TRAF3IP1: variants seen among roughly 807,000 people sequenced by gnomAD.
The protein encoded by TRAF3IP1 is TRAF3-interacting protein 1.
In TRAF3IP1, 53 loss-of-function variants were observed where a neutral mutation model predicts 89.9. The ratio of observed to expected loss-of-function variants is 0.59; its 90% CI spans 0.47 to 0.74. TRAF3IP1 has a LOEUF of 0.74. Among genes scored for constraint, TRAF3IP1 ranks in the 30% least tolerant of loss-of-function variants. The pLI, the probability that TRAF3IP1 is intolerant of heterozygous loss-of-function variation, is 0.00. For synonymous variants in TRAF3IP1, 311 were observed against 322.1 expected (o/e 0.97, Z 0.37); for missense variants, 806 against 866.1 (o/e 0.93, Z 0.87).
intron 15 of TRAF3IP1, among the ~76,000 whole-genome samples, chr2:238,368,916 AC>A (rs1699994660): frequency 6.6e-6 from 1 of 151,948 alleles, no homozygotes; most frequent in African/African-American, 2.4e-5. Flanking sequence ...CAGGCGATCC[AC>A]CCGCCTCGGC....
chr2:238,353,608 G>T (rs573653330), intron 14 of TRAF3IP1, among the ~76,000 whole-genome samples: 127 of 152,304 alleles, frequency 8.3e-4, no homozygotes, highest in African/African-American at 3.0e-3. Flanking sequence ...CCCCACACCA[G>T]GGTTTGAGTA....
rs61756349 is a variant in TRAF3IP1, at chr2:238,344,536, A to C, written c.1199A>C (p.Asp400Ala). The change falls in exon 9 of 17, where the codon GAT becomes GCT. Residue 400 changes from aspartate to alanine, a missense_variant. Around this residue, in one of 3 missense-constraint regions of TRAF3IP1, gnomAD observed 732 missense variants for 780.5 expected, o/e 0.94. Transcript: ENST00000373327. ...AATATTAACTCAACTAGTATTTCAG[A>C]TGATAATTCAGCTAGTCTGCGGTGT... ...EANINSTSIS[D>A]DNSASLRCEN... 5,619 of 1,614,176 alleles carry C rather than the reference A, an allele frequency of 3.5e-3. 17 individuals carry two copies. The highest frequency in any genetic ancestry group is 4.2e-3 in the Non-Finnish European group (4,930 of 1,180,006).
chr2:238,394,652 G>A (rs949969046), intron 15 of TRAF3IP1, among the ~76,000 whole-genome samples: 1 of 152,200 alleles, frequency 6.6e-6, no homozygotes, highest in African/African-American at 2.4e-5. Context: ...CAACCTTGCT[G>A]AACTCACTTA....
At chr2:238,398,657 G>A (rs964359821) in intron 16 of TRAF3IP1, 97 bp from the exon 17 acceptor site, 2 of 1,301,270 alleles carry the variant, frequency 1.5e-6, no homozygotes, top group Admixed American at 2.7e-5. Flanking sequence ...TGGATGAAAC[G>A]AATAATTTAC....
chr2:238,359,412 TG>T (rs1447373904), intron 15 of TRAF3IP1, among the ~76,000 whole-genome samples: 4 of 152,108 alleles, frequency 2.6e-5, no homozygotes, highest in Non-Finnish European at 5.9e-5. Context: ...TGGTTCACTG[TG>T]CTTTAGTTTG....
At chr2:238,395,214 G>A (rs1459255162) in intron 15 of TRAF3IP1, among the ~76,000 whole-genome samples, 1 of 152,094 alleles carries the variant, frequency 6.6e-6, no homozygotes, top group African/African-American at 2.4e-5. Flanking sequence ...GAAAGAGAGA[G>A]AGAAGAAAGA....
At chr2:238,350,034 G>C (rs1699077505) in intron 12 of TRAF3IP1, among the ~76,000 whole-genome samples, 1 of 151,986 alleles carries the variant, frequency 6.6e-6, no homozygotes, top group Admixed American at 6.6e-5. Context: ...TTGCACTGCT[G>C]TACTCCAGCC....
At chr2:238,370,201 G>T (rs935274372) in intron 15 of TRAF3IP1, among the ~76,000 whole-genome samples, 7 of 152,070 alleles carry the variant, frequency 4.6e-5, no homozygotes, top group Non-Finnish European at 1.5e-5. Flanking sequence ...GTATGTATGT[G>T]TGTATATATG....
At chr2:238,364,096 G>A (rs1436575717) in intron 15 of TRAF3IP1, among the ~76,000 whole-genome samples, 1 of 152,096 alleles carries the variant, frequency 6.6e-6, no homozygotes, top group Admixed American at 6.5e-5. Context: ...CAAAACAGGT[G>A]TTTTCTGTGC....
At chr2:238,350,312 C>T (rs6706470) in intron 12 of TRAF3IP1, among the ~76,000 whole-genome samples, 17,723 of 151,986 alleles carry the variant, frequency 0.12, 1,754 homozygotes, top group African/African-American at 0.27. Context: ...ATGACGTAGG[C>T]GACGTGGGAC....
intron 15 of TRAF3IP1, among the ~76,000 whole-genome samples, chr2:238,388,125 A>G (rs1383424996): frequency 2.6e-5 from 4 of 151,818 alleles, no homozygotes; most frequent in African/African-American, 4.8e-5. Flanking sequence ...TGTTATCCCA[A>G]CACTTTGTGG....
At position 238,399,044 on chromosome 2, in the gene TRAF3IP1, G is replaced by A; in HGVS notation, c.*125G>A. ...GAACAGTTTACAATGTTATTATCCAGCTAATTTTCAGAGCTTTAAAACTGT... is the reference window on the plus strand; with the variant it reads ...GAACAGTTTACAATGTTATTATCCAACTAATTTTCAGAGCTTTAAAACTGT... On this transcript the variant is annotated 3_prime_UTR_variant, in exon 17 of 17. Coordinates refer to ENST00000373327, the MANE Select transcript of TRAF3IP1 (RefSeq NM_015650.4). 1 of 869,048 alleles carries A rather than the reference G, an allele frequency of 1.2e-6. No individual in the cohort carries two copies. Among genetic ancestry groups the A allele is most frequent in the Non-Finnish European group, 1.7e-6 (1 of 594,930 alleles). The allele number at this position is 869,048 out of a possible 1,614,324, so 53.8% of individuals were successfully genotyped here.
chr2:238,370,850 A>T (rs541448067), intron 15 of TRAF3IP1, among the ~76,000 whole-genome samples: 1 of 152,316 alleles, frequency 6.6e-6, no homozygotes, highest in South Asian at 2.1e-4. Context: ...AAATGTGGGG[A>T]AGCACTTGCC....
In TRAF3IP1 at chr2:238,325,861, T is replaced by A; in HGVS notation, c.245T>A (p.Met82Lys). The A allele has an allele frequency of 6.2e-7, 1 of 1,614,100 alleles. No homozygotes were observed. Among genetic ancestry groups the A allele is most frequent in the East Asian group, 2.2e-5 (1 of 44,890 alleles). Residue 82 changes from methionine (M) to lysine (K), a missense_variant, in exon 3 of 17, where the codon ATG becomes AAG. Met to Lys is a moderately conservative substitution (Grantham distance 95, BLOSUM62 -1). Around this residue, in one of 3 missense-constraint regions of TRAF3IP1, gnomAD observed 732 missense variants for 780.5 expected, o/e 0.94. Coordinates refer to ENST00000373327, the MANE Select transcript of TRAF3IP1 (RefSeq NM_015650.4). Reference sequence around the variant, plus strand: ...CAAAAGGCCATAGACGTGGTTGTAATGGTGTCGGGAGAGCCACTGTTGGCC... The same window carrying A: ...CAAAAGGCCATAGACGTGGTTGTAAAGGTGTCGGGAGAGCCACTGTTGGCC... ...FLQKAIDVVV[M>K]VSGEPLLAKP...
At chr2:238,328,640 A>G (rs779310630) in intron 3 of TRAF3IP1, 46 bp from the exon 4 acceptor site, 1 of 1,591,794 alleles carries the variant, frequency 6.3e-7, no homozygotes, top group South Asian at 1.1e-5. Flanking sequence ...ACGTGTGCGG[A>G]TCTCATTTCA....
chr2:238,345,727 C>T lies in TRAF3IP1; in HGVS notation c.1261+1129C>T, dbSNP rs865904923. On this transcript the variant is annotated intron_variant, in intron 9 of 16. Transcript: ENST00000373327. This position sits in a 1 kb window ranked among gnomAD's most constrained non-coding sequence, Gnocchi z 4.7. ...ACGTGCTGGGGGAGCTGGCCTGGAG[C>T]GTAGAGGGAAGGCCCAGGCTAGAGA... Among the ~76,000 whole-genome samples the T allele has an allele frequency of 6.6e-6, 1 of 151,972 alleles. No homozygotes were observed. The highest frequency in any genetic ancestry group is 2.1e-4 in the South Asian group (1 of 4,804).
chr2:238,346,617 C>T (rs1698906066), intron 9 of TRAF3IP1, among the ~76,000 whole-genome samples: 3 of 152,186 alleles, frequency 2.0e-5, no homozygotes, highest in Admixed American at 2.0e-4. Context: ...TCACTCTGCT[C>T]GGTGTGGACC....
intron 15 of TRAF3IP1, among the ~76,000 whole-genome samples, chr2:238,358,956 C>G (rs984118671): frequency 1.3e-5 from 2 of 152,228 alleles, no homozygotes; most frequent in Non-Finnish European, 2.9e-5. Flanking sequence ...AAAAATACTT[C>G]AGGCTTTTTG....
At chr2:238,325,239 G>C (rs1011863266) in intron 1 of TRAF3IP1, 67 bp from the exon 2 acceptor site, 5 of 1,463,432 alleles carry the variant, frequency 3.4e-6, no homozygotes, top group Admixed American at 1.7e-5. Context: ...GTGTGGAGTT[G>C]AGTGGATGAG....
Sources: gnomAD v4.1 joint callset for allele counts (sites outside exome capture counted in the v4.1 genomes callset) on GRCh38, gnomAD v4.1.1 for gene constraint, gnomAD v4.1.1 regional missense constraint, Gnocchi (gnomAD v3.1) non-coding constraint, MANE v1.5 for transcripts, NCBI Gene and HGNC (gene_info 2026-07-23, HGNC 2026-07-21) for gene names.